Variants in NR3C2 observed in about 807,000 individuals in gnomAD.
NR3C2 encodes the protein mineralocorticoid receptor.
In NR3C2, 15 loss-of-function variants were observed where a neutral mutation model predicts 86.4. That is an observed-to-expected ratio of 0.17 (90% CI 0.12 to 0.27). The LOEUF (loss-of-function observed/expected upper bound fraction) is 0.27, where lower values mean the gene tolerates loss of function less well. Ranked by LOEUF, NR3C2 falls within the 10% of genes least tolerant of loss-of-function variation. The pLI is 1.00. For missense variants in NR3C2, 960 were observed against 1,195.6 expected (o/e 0.80, Z 2.91); for synonymous variants, 458 against 450.5 (o/e 1.02, Z -0.21).
intron 6 of NR3C2, among the ~76,000 whole-genome samples, chr4:148,136,478 T>C (rs58334831): frequency 0.031 from 4,781 of 152,068 alleles, 246 homozygotes; most frequent in African/African-American, 0.11. Context: ...CAACTCTGGA[T>C]TGCAGAGACC....
intron 2 of NR3C2, among the ~76,000 whole-genome samples, chr4:148,340,316 A>G (rs1423051479): frequency 6.6e-6 from 1 of 152,186 alleles, no homozygotes; most frequent in Non-Finnish European, 1.5e-5. Context: ...AAACAGACAC[A>G]TGGACCAATG....
At chr4:148,392,183 C>T (rs61764790) in intron 2 of NR3C2, among the ~76,000 whole-genome samples, 1 of 152,122 alleles carries the variant, frequency 6.6e-6, no homozygotes, top group Admixed American at 6.5e-5. Flanking sequence ...CAAATAGATC[C>T]ATTTACCAAA....
intron 3 of NR3C2, among the ~76,000 whole-genome samples, chr4:148,216,941 C>A (rs763358527): frequency 6.6e-6 from 1 of 152,156 alleles, no homozygotes; most frequent in Non-Finnish European, 1.5e-5. Flanking sequence ...TCTTTTTTAC[C>A]AAAGCCACAT....
chr4:148,125,791 A>G, intron 6 of NR3C2, among the ~76,000 whole-genome samples: 1 of 152,216 alleles, frequency 6.6e-6, no homozygotes, highest in East Asian at 1.9e-4. Flanking sequence ...AGAGAAGGAA[A>G]GGAAAAAAGA....
At chr4:148,242,714 G>A (rs1416399912) in intron 3 of NR3C2, among the ~76,000 whole-genome samples, 1 of 152,114 alleles carries the variant, frequency 6.6e-6, no homozygotes, top group Non-Finnish European at 1.5e-5. Flanking sequence ...ACTAAAAACT[G>A]TTTAACCAAT....
chr4:148,341,692 T>C (rs930943173), intron 2 of NR3C2, among the ~76,000 whole-genome samples: 3 of 152,052 alleles, frequency 2.0e-5, no homozygotes, highest in African/African-American at 7.2e-5. Flanking sequence ...TGTATGCATA[T>C]ATCAAAACAC....
chr4:148,199,729 C>T (rs1203892798), intron 3 of NR3C2, among the ~76,000 whole-genome samples: 3 of 152,196 alleles, frequency 2.0e-5, no homozygotes, highest in South Asian at 2.1e-4. Context: ...TTCCATTCCA[C>T]GAGGATTTTT....
chr4:148,183,783 CCTGTA>C, intron 4 of NR3C2, among the ~76,000 whole-genome samples: 1 of 152,228 alleles, frequency 6.6e-6, no homozygotes, highest in Non-Finnish European at 1.5e-5. Context: ...AACTTTGTGC[CCTGTA>C]CTGTTGCAGT....
intron 4 of NR3C2, 130 bp downstream of exon 4, chr4:148,194,616 C>T (rs1736353866): frequency 3.0e-6 from 2 of 670,792 alleles, no homozygotes; most frequent in Admixed American, 2.4e-5. Context: ...AGCATGAAAA[C>T]AGAACTCATC....
At chr4:148,253,899 T>C (rs1173280113) in intron 3 of NR3C2, among the ~76,000 whole-genome samples, 2 of 152,174 alleles carry the variant, frequency 1.3e-5, no homozygotes, top group Admixed American at 6.6e-5. Flanking sequence ...TAGTAGGTAT[T>C]GAGTAAATGT....
chr4:148,267,300 T>A (rs1364852126), intron 2 of NR3C2, among the ~76,000 whole-genome samples: 2 of 151,694 alleles, frequency 1.3e-5, no homozygotes, highest in Non-Finnish European at 2.9e-5. Context: ...TTTTTTTTTT[T>A]AAAGAGACAA....
chr4:148,262,706 A>G (rs1740184651), intron 2 of NR3C2, among the ~76,000 whole-genome samples: 1 of 152,120 alleles, frequency 6.6e-6, no homozygotes, highest in African/African-American at 2.4e-5. Flanking sequence ...ACCCCAATCT[A>G]ATAGGACTGA....
intron 3 of NR3C2, among the ~76,000 whole-genome samples, chr4:148,214,391 A>T (rs1737423837): frequency 1.3e-5 from 2 of 152,176 alleles, no homozygotes; most frequent in Non-Finnish European, 2.9e-5. Context: ...AAAACAGAGT[A>T]ATACAACAAC....
upstream of NR3C2, chr4:148,442,680 G>T: frequency 1.0e-6 from 1 of 985,416 alleles, no homozygotes; most frequent in Non-Finnish European, 1.2e-6. Flanking sequence ...CGACATGACT[G>T]ATACAAAGTT....
At chr4:148,309,136 A>G (rs1742784734) in intron 2 of NR3C2, among the ~76,000 whole-genome samples, 1 of 152,182 alleles carries the variant, frequency 6.6e-6, no homozygotes, top group Non-Finnish European at 1.5e-5. Flanking sequence ...TACCCTCTGA[A>G]CAGGTATGAT....
At chr4:148,226,106 T>A (rs1738148078) in intron 3 of NR3C2, among the ~76,000 whole-genome samples, 1 of 152,206 alleles carries the variant, frequency 6.6e-6, no homozygotes, top group Non-Finnish European at 1.5e-5. Context: ...GAAAGCTTTG[T>A]ACACATGAAT....
Position 148,266,120 on chromosome 4 carries a change from T to G in NR3C2, c.1758-6003A>C, listed in dbSNP as rs369903577. Among the ~76,000 whole-genome samples the G allele has an allele frequency of 4.1e-4, 60 of 147,474 alleles. No individual in the cohort carries two copies. In the South Asian group the frequency reaches 6.5e-3, roughly 16 times the overall value. On this transcript the variant is annotated intron_variant, in intron 2 of 8. Coordinates refer to ENST00000358102, the MANE Select transcript of NR3C2 (RefSeq NM_000901.5). ...ACAAGAGTCTCGCTCTGTTGCAGGC[T>G]GGAGTGCAGTGGTGTGATCTTGGCT...
At chr4:148,262,323 A>G (rs1009525677) in intron 2 of NR3C2, among the ~76,000 whole-genome samples, 1 of 151,644 alleles carries the variant, frequency 6.6e-6, no homozygotes, top group Non-Finnish European at 1.5e-5. Context: ...TTTCTCGGTG[A>G]TCTCATCTAG....
intron 2 of NR3C2, among the ~76,000 whole-genome samples, chr4:148,316,825 A>G (rs960483504): frequency 6.6e-6 from 1 of 152,030 alleles, no homozygotes; most frequent in Non-Finnish European, 1.5e-5. Context: ...TTTCTGAGAC[A>G]GGCTCTCGCT....
Sources: allele counts gnomAD v4.1 joint callset (sites outside exome capture counted in the v4.1 genomes callset), GRCh38; gene constraint gnomAD v4.1.1; transcripts MANE v1.5; gene names NCBI Gene and HGNC (gene_info 2026-07-23, HGNC 2026-07-21).